TTC36: variants seen among roughly 807,000 people sequenced by gnomAD.
TTC36 encodes the protein tetratricopeptide repeat domain 36, also known as tetratricopeptide repeat protein 36.
In TTC36, 15 loss-of-function variants were observed where a neutral mutation model predicts 17.5. The observed-to-expected ratio is 0.86, with a 90% confidence interval of 0.57 to 1.32. TTC36 has a LOEUF of 1.32. Among genes scored for constraint, TTC36 ranks in the 40% most tolerant of loss-of-function variants. TTC36 has a pLI of 0.00. For missense variants in TTC36, 292 were observed against 260.9 expected, an observed-to-expected ratio of 1.12 and a Z score of -0.82; for synonymous variants, 112 against 109.8, an observed-to-expected ratio of 1.02 and a Z score of -0.13.
At position 118,528,604 on chromosome 11, in the gene TTC36, T is replaced by A; in HGVS notation, c.120T>A (p.Asp40Glu). Residue 40 changes from aspartate (D) to glutamate (E), a missense_variant and splice_region_variant, in exon 2 of 3, where the codon GAT (aspartate) becomes GAA (glutamate). Asp to Glu is a conservative substitution (Grantham distance 45). Transcript: ENST00000302783. The part of the protein sequence containing the change: ...EEAEKEEREE[D>E]EVFPQAQLEQ... ...CTCCTGGCTCCTTCCCTGGCCCAGA[T>A]GAAGTTTTCCCTCAAGCACAGCTGG... 1 of 1,561,088 alleles carries A rather than the reference T, an allele frequency of 6.4e-7. No homozygotes were observed. The highest frequency in any genetic ancestry group is 8.7e-7 in the Non-Finnish European group (1 of 1,149,762).
chr11:118,530,287 A>C lies in TTC36; in HGVS notation c.308-367A>C, dbSNP rs1163061123. Reference sequence around the variant, plus strand: ...GGATGCTTAATAACAGGTGTGGAATAAATTGGCTGCTACTTGCCCGGGCAG... The same window carrying C: ...GGATGCTTAATAACAGGTGTGGAATCAATTGGCTGCTACTTGCCCGGGCAG... On this transcript the variant is annotated intron_variant, in intron 2 of 2. Coordinates refer to ENST00000302783, the MANE Select transcript of TTC36 (RefSeq NM_001080441.4). This position sits in a 1 kb window ranked among gnomAD's most constrained non-coding sequence, Gnocchi z 5.8. Among the ~76,000 whole-genome samples the C allele has an allele frequency of 6.6e-6, 1 of 152,254 alleles. No homozygotes were observed. Among genetic ancestry groups the C allele is most frequent in the Admixed American group, 6.5e-5 (1 of 15,294 alleles).
At position 118,528,712 on chromosome 11, in the gene TTC36, A is replaced by G; in HGVS notation, c.228A>G (p.Gln76=). ...DLSTALERFG[Q]AICLLPERAS... is the part of the protein sequence containing the mutation. ...GCACAGCCCTGGAGAGGTTTGGCCA[A>G]GCCATCTGCCTGCTGCCTGAGAGGG... Residue 76 remains glutamine (Q), a synonymous_variant, in exon 2 of 3, where the codon CAA becomes CAG. Transcript: ENST00000302783. The G allele has an allele frequency of 6.2e-7, 1 of 1,613,520 alleles. No homozygotes were observed. The highest frequency in any genetic ancestry group is 1.3e-5 in the African/African-American group (1 of 75,036).
At position 118,530,718 on chromosome 11, in the gene TTC36, G is replaced by A; in HGVS notation, c.372G>A (p.Gln124=). The part of the protein sequence containing the change: ...LSGGRGRAAR[Q]SFVQRGLLAR... The stretch of plus-strand genomic sequence containing the variant: ...GCGGCCGGGGCCGCGCCGCCCGCCA[G>A]AGCTTTGTGCAGCGCGGACTCCTGG... Residue 124 remains glutamine, a synonymous_variant, in exon 3 of 3, where the codon CAG becomes CAA. Coordinates refer to ENST00000302783, the MANE Select transcript of TTC36 (RefSeq NM_001080441.4). The surrounding 1 kb of genome is among the most constrained non-coding windows in gnomAD (Gnocchi z 5.8). The A allele has an allele frequency of 6.7e-7, 1 of 1,488,030 alleles. No individual in the cohort carries two copies. The highest frequency in any genetic ancestry group is 1.3e-5 in the South Asian group (1 of 79,104). 92.2% of individuals were successfully genotyped at this position (1,488,030 alleles called of 1,614,324 possible).
chr11:118,528,610 T>C lies in TTC36; in HGVS notation c.126T>C (p.Val42=), dbSNP rs1555056398. The change falls in exon 2 of 3, where the codon GTT becomes GTC. Residue 42 remains valine (V), a synonymous_variant. Transcript: ENST00000302783. ...GCTCCTTCCCTGGCCCAGATGAAGT[T>C]TTCCCTCAAGCACAGCTGGAACAGT... The part of the protein sequence containing the change: ...AEKEEREEDE[V]FPQAQLEQSK... 1 of 1,563,150 alleles carries C rather than the reference T, an allele frequency of 6.4e-7. No individual in the cohort carries two copies. The highest frequency in any genetic ancestry group is 1.2e-5 in the South Asian group (1 of 82,958).
At position 118,530,721 on chromosome 11, in the gene TTC36, C is replaced by A; in HGVS notation, c.375C>A (p.Ser125Arg). The A allele has an allele frequency of 6.7e-7, 1 of 1,491,788 alleles. No homozygotes were observed. Among genetic ancestry groups the A allele is most frequent in the Non-Finnish European group, 8.9e-7 (1 of 1,129,698 alleles). 92.4% of individuals were successfully genotyped at this position (1,491,788 alleles called of 1,614,324 possible). Residue 125 changes from serine (S) to arginine (R), a missense_variant, in exon 3 of 3, where the codon AGC becomes AGA. Coordinates refer to ENST00000302783, the MANE Select transcript of TTC36 (RefSeq NM_001080441.4). The surrounding 1 kb of genome is among the most constrained non-coding windows in gnomAD (Gnocchi z 5.8). The stretch of plus-strand genomic sequence containing the variant: ...GCCGGGGCCGCGCCGCCCGCCAGAG[C>A]TTTGTGCAGCGCGGACTCCTGGCGC... ...SGGRGRAARQ[S>R]FVQRGLLARL...
chr11:118,530,929 C>A lies in TTC36; in HGVS notation c.*13C>A. ...TGACAGCCGCTGAGCGCCGCGGACC[C>A]GGGCGTCCGCGGGCGAGGGGACGGG... On this transcript the variant is annotated 3_prime_UTR_variant, in exon 3 of 3. Coordinates refer to ENST00000302783, the MANE Select transcript of TTC36 (RefSeq NM_001080441.4). This position sits in a 1 kb window ranked among gnomAD's most constrained non-coding sequence, Gnocchi z 5.8. 5 of 1,482,042 alleles carry A rather than the reference C, an allele frequency of 3.4e-6. No individual in the cohort carries two copies. The highest frequency in any genetic ancestry group is 1.3e-5 in the South Asian group (1 of 78,270). The allele number at this position is 1,482,042 out of a possible 1,614,324, so 91.8% of individuals were successfully genotyped here. A position where few individuals can be genotyped will look rare whatever the true frequency, so the allele number is the denominator to read the frequency against.
chr11:118,530,661 G>A lies in TTC36; in HGVS notation c.315G>A (p.Leu105=). Residue 105 remains leucine, a synonymous_variant, in exon 3 of 3, where the codon CTG becomes CTA. Transcript: ENST00000302783. This position sits in a 1 kb window ranked among gnomAD's most constrained non-coding sequence, Gnocchi z 5.8. ...RRLQGDVAGA[L]EDLERAVELS... ...GTCTCGTCGGTCCCGCAGGCGCCCTGGAGGATCTGGAACGCGCGGTGGAGC... is the reference window on the plus strand; with the variant it reads ...GTCTCGTCGGTCCCGCAGGCGCCCTAGAGGATCTGGAACGCGCGGTGGAGC... 6.8e-7 allele frequency: 1 copy of A among 1,466,134 alleles called. No individual in the cohort carries two copies. The highest frequency in any genetic ancestry group is 8.9e-7 in the Non-Finnish European group (1 of 1,117,854). 90.8% of individuals were successfully genotyped at this position (1,466,134 alleles called of 1,614,324 possible). A position where few individuals can be genotyped will look rare whatever the true frequency, so the allele number is the denominator to read the frequency against.
Position 118,530,507 on chromosome 11 carries a change from TA to T in TTC36, c.308-146del. 1 of 866,700 alleles carries T rather than the reference TA, an allele frequency of 1.2e-6. No homozygotes were observed. Among genetic ancestry groups the T allele is most frequent in the Non-Finnish European group, 1.6e-6 (1 of 625,966 alleles). 53.7% of individuals were successfully genotyped at this position (866,700 alleles called of 1,614,324 possible). ...TAATGGGAATAACGATCCGTACCTC[TA>T]GCAGGTGCGAGGCGGGTTGTAAATG... On this transcript the variant is annotated intron_variant, in intron 2 of 2. Coordinates refer to ENST00000302783, the MANE Select transcript of TTC36 (RefSeq NM_001080441.4). This position sits in a 1 kb window ranked among gnomAD's most constrained non-coding sequence, Gnocchi z 5.8.
intron 1 of TTC36, chr11:118,527,977 T>A: frequency 2.2e-6 from 1 of 464,892 alleles, no homozygotes; most frequent in Non-Finnish European, 4.3e-6. Flanking sequence ...GTTGCTCAGT[T>A]GAGTGGTTCC....
chr11:118,527,644 C>T, intron 1 of TTC36, 32 bp downstream of exon 1: 4 of 1,547,688 alleles, frequency 2.6e-6, no homozygotes, highest in Non-Finnish European at 3.6e-6. Flanking sequence ...TAGCTCTGCA[C>T]ATAGGCTGGC....
rs1555057633 is a variant in TTC36, at chr11:118,530,956, C to A, written c.*40C>A. 1.3e-5 allele frequency: 19 copies of A among 1,468,084 alleles called. No individual in the cohort carries two copies. Among genetic ancestry groups the A allele is most frequent in the Non-Finnish European group, 1.7e-5 (19 of 1,120,798 alleles). 90.9% of individuals were successfully genotyped at this position (1,468,084 alleles called of 1,614,324 possible). A position where few individuals can be genotyped will look rare whatever the true frequency, so the allele number is the denominator to read the frequency against. On this transcript the variant is annotated 3_prime_UTR_variant, in exon 3 of 3. Transcript: ENST00000302783. The surrounding 1 kb of genome is among the most constrained non-coding windows in gnomAD (Gnocchi z 5.8). Reference sequence around the variant, plus strand: ...GGCGTCCGCGGGCGAGGGGACGGGACTGGGCCCTGAACCAATAAAGCCGTC... The same window carrying A: ...GGCGTCCGCGGGCGAGGGGACGGGAATGGGCCCTGAACCAATAAAGCCGTC...
Position 118,530,921 on chromosome 11 carries a change from C to T in TTC36, c.*5C>T. 1 of 1,493,304 alleles carries T rather than the reference C, an allele frequency of 6.7e-7. No homozygotes were observed. Among genetic ancestry groups the T allele is most frequent in the South Asian group, 1.2e-5 (1 of 80,180 alleles). The allele number at this position is 1,493,304 out of a possible 1,614,324, so 92.5% of individuals were successfully genotyped here. A position where few individuals can be genotyped will look rare whatever the true frequency, so the allele number is the denominator to read the frequency against. ...CGCCCCCGTGACAGCCGCTGAGCGC[C>T]GCGGACCCGGGCGTCCGCGGGCGAG... On this transcript the variant is annotated 3_prime_UTR_variant, in exon 3 of 3. Transcript: ENST00000302783. This position sits in a 1 kb window ranked among gnomAD's most constrained non-coding sequence, Gnocchi z 5.8.
intron 2 of TTC36, among the ~76,000 whole-genome samples, chr11:118,529,427 G>C (rs544456757): frequency 6.6e-6 from 1 of 152,342 alleles, no homozygotes; most frequent in African/African-American, 2.4e-5. Flanking sequence ...GGCGAGTTTT[G>C]AAGGATGAGT....
chr11:118,528,992 T>A (rs1409202916), intron 2 of TTC36, among the ~76,000 whole-genome samples: 2 of 152,186 alleles, frequency 1.3e-5, no homozygotes, highest in African/African-American at 4.8e-5. Flanking sequence ...ATTCCATTGA[T>A]TAAGGAACAG....
intron 1 of TTC36, chr11:118,528,094 G>A (rs1264702695): frequency 1.2e-5 from 5 of 405,506 alleles, no homozygotes; most frequent in African/African-American, 2.1e-5. Flanking sequence ...AATCCCTAAT[G>A]AAGGAGTTTT....
In TTC36 at chr11:118,530,940, G is replaced by C; in HGVS notation, c.*24G>C. On this transcript the variant is annotated 3_prime_UTR_variant, in exon 3 of 3. Transcript: ENST00000302783. This position sits in a 1 kb window ranked among gnomAD's most constrained non-coding sequence, Gnocchi z 5.8. The stretch of plus-strand genomic sequence containing the variant: ...GAGCGCCGCGGACCCGGGCGTCCGC[G>C]GGCGAGGGGACGGGACTGGGCCCTG... The C allele has an allele frequency of 1.4e-6, 2 of 1,480,340 alleles. No individual in the cohort carries two copies. Among genetic ancestry groups the C allele is most frequent in the East Asian group, 5.6e-5 (2 of 36,006 alleles). The allele number at this position is 1,480,340 out of a possible 1,614,324, so 91.7% of individuals were successfully genotyped here.
At chr11:118,527,874 A>C (rs540885983) in intron 1 of TTC36, 1 of 559,086 alleles carries the variant, frequency 1.8e-6, no homozygotes, top group South Asian at 1.5e-5. Flanking sequence ...GTATGATCCA[A>C]GCTTAACTGC....
At chr11:118,528,322 C>G (rs1951124594) in intron 1 of TTC36, among the ~76,000 whole-genome samples, 1 of 152,140 alleles carries the variant, frequency 6.6e-6, no homozygotes. Flanking sequence ...ACACAAAGAA[C>G]TTGAGCAACT....
chr11:118,527,480 T>C lies in TTC36; in HGVS notation c.-15T>C, dbSNP rs201245316. 2.7e-5 allele frequency: 43 copies of C among 1,600,590 alleles called. No homozygotes were observed. In the Middle Eastern group the frequency reaches 5.0e-4, roughly 18 times the overall value. The stretch of plus-strand genomic sequence containing the variant: ...TCATCTGGAGTCACCTTTTGGGATT[T>C]TGGAGTTGAGCACCATGGGGACTCC... On this transcript the variant is annotated 5_prime_UTR_variant, in exon 1 of 3. Coordinates refer to ENST00000302783, the MANE Select transcript of TTC36 (RefSeq NM_001080441.4).
Sources: gnomAD v4.1 joint callset for allele counts (sites outside exome capture counted in the v4.1 genomes callset) on GRCh38, gnomAD v4.1.1 for gene constraint, Gnocchi (gnomAD v3.1) non-coding constraint, MANE v1.5 for transcripts, NCBI Gene and HGNC (gene_info 2026-07-23, HGNC 2026-07-21) for gene names.